Variants in GABBR2 observed in about 807,000 individuals in gnomAD.
GABBR2 encodes gamma-aminobutyric acid type B receptor subunit 2, also known as G-protein coupled receptor 51.
GABBR2 carries 23 observed loss-of-function variants against 105.6 expected under a neutral mutation model. The observed-to-expected ratio is 0.22, with a 90% CI of 0.16 to 0.31. GABBR2 has a LOEUF of 0.31. Among genes scored for constraint, GABBR2 ranks in the 10% least tolerant of loss-of-function variants. The pLI is 1.00. For synonymous variants in GABBR2, 478 were observed against 499.7 expected (o/e 0.96, Z 0.58); for missense variants, 734 against 1,245.5 (o/e 0.59, Z 6.18).
rs1033297629 is a variant in GABBR2 at position 98,682,533 on chromosome 9, G to A, written c.321+25884C>T. ...TGGGACTACAGGCGCCAGCCACCACGCCCAGCTAATTTTTATATTTTTAGT... is the reference window on the plus strand; with the variant it reads ...TGGGACTACAGGCGCCAGCCACCACACCCAGCTAATTTTTATATTTTTAGT... On this transcript the variant is annotated intron_variant, in intron 1 of 18. Transcript: ENST00000259455. 6.5e-4 allele frequency among the ~76,000 whole-genome samples: 99 copies of A among 151,628 alleles called. 1 individual carries two copies. The highest frequency in any genetic ancestry group is 2.2e-3 in the African/African-American group (90 of 41,344).
intron 11 of GABBR2, among the ~76,000 whole-genome samples, chr9:98,374,714 G>A (rs966286948): frequency 2.1e-4 from 32 of 152,186 alleles, no homozygotes; most frequent in Non-Finnish European, 4.0e-4. Context: ...GGACTTAAGC[G>A]TGTCCTGTGC....
Position 98,405,742 on chromosome 9 carries a change from T to C in GABBR2, c.1297+339A>G, listed in dbSNP as rs143067619. ...CCTAATAAAATGTAAATAGTTGTTATACTCTATTGTTTAGGGAATAACGAC... is the reference window on the plus strand; with the variant it reads ...CCTAATAAAATGTAAATAGTTGTTACACTCTATTGTTTAGGGAATAACGAC... On this transcript the variant is annotated intron_variant, in intron 8 of 18. Transcript: ENST00000259455. Among the ~76,000 whole-genome samples the C allele has an allele frequency of 5.5e-3, 843 of 152,336 alleles. 6 individuals are homozygous for C. The highest frequency in any genetic ancestry group is 0.01 in the Middle Eastern group (3 of 294).
At position 98,647,550 on chromosome 9, in the gene GABBR2, C is replaced by T. The variant is rs144272589; in HGVS notation, c.321+60867G>A. 1.9e-3 allele frequency among the ~76,000 whole-genome samples: 286 copies of T among 152,252 alleles called. 3 individuals are homozygous for T. The highest frequency in any genetic ancestry group is 6.0e-3 in the African/African-American group (248 of 41,536). ...CTTCTTTATCTGTGAATAACAGGGG[C>T]GGAGGAGACTGCATGAAACCCAAAC... On this transcript the variant is annotated intron_variant, in intron 1 of 18. Coordinates refer to ENST00000259455, the MANE Select transcript of GABBR2 (RefSeq NM_005458.8).
At chr9:98,484,290 G>A (rs541760193) in intron 4 of GABBR2, among the ~76,000 whole-genome samples, 9 of 152,276 alleles carry the variant, frequency 5.9e-5, no homozygotes, top group Admixed American at 4.6e-4. Context: ...GATGGGGCCC[G>A]TGGGATCCCC....
chr9:98,356,105 G>GA (rs1319218973), intron 13 of GABBR2, among the ~76,000 whole-genome samples: 12 of 151,938 alleles, frequency 7.9e-5, no homozygotes, highest in African/African-American at 2.4e-4. Flanking sequence ...AAACATAACA[G>GA]AAAAAAATCA....
At chr9:98,315,941 AG>A (rs1830709043) in intron 13 of GABBR2, among the ~76,000 whole-genome samples, 1 of 152,212 alleles carries the variant, frequency 6.6e-6, no homozygotes, top group Non-Finnish European at 1.5e-5. Flanking sequence ...GGAAGTATTC[AG>A]GCTATACTTG....
chr9:98,519,787 C>T (rs977418094), intron 3 of GABBR2, among the ~76,000 whole-genome samples: 30 of 150,194 alleles, frequency 2.0e-4, no homozygotes, highest in Non-Finnish European at 2.1e-4. Context: ...TTTTTCCCAA[C>T]AACGTTGCAA....
At chr9:98,408,536 C>A (rs1832528755) in intron 7 of GABBR2, among the ~76,000 whole-genome samples, 1 of 152,160 alleles carries the variant, frequency 6.6e-6, no homozygotes, top group Non-Finnish European at 1.5e-5. Context: ...GGCCACAGGC[C>A]AGTAAGGTGG....
rs76697098 is a variant in GABBR2, at chr9:98,325,638, C to T, written c.1894-14433G>A. 4.5e-3 allele frequency among the ~76,000 whole-genome samples: 681 copies of T among 152,198 alleles called. 9 individuals are homozygous for T. The highest frequency in any genetic ancestry group is 0.015 in the African/African-American group (621 of 41,514). On this transcript the variant is annotated intron_variant, in intron 13 of 18. Transcript: ENST00000259455. ...AGAGACAGCAGTTGTGCCCTCTGAG[C>T]CAACTATAGGTTTCCAAGGGGATCT...
intron 10 of GABBR2, among the ~76,000 whole-genome samples, chr9:98,387,302 C>T (rs941045892): frequency 1.3e-5 from 2 of 152,132 alleles, no homozygotes; most frequent in African/African-American, 4.8e-5. Context: ...GTAACTTTCC[C>T]CCAGGAGGCC....
intron 3 of GABBR2, among the ~76,000 whole-genome samples, chr9:98,530,771 G>A (rs1471708621): frequency 6.6e-6 from 1 of 152,008 alleles, no homozygotes; most frequent in African/African-American, 2.4e-5. Context: ...ATGATGGAGG[G>A]TAACCCCATC....
rs79877180 is a variant in GABBR2, at chr9:98,631,811, T to C, written c.322-53739A>G. On this transcript the variant is annotated intron_variant, in intron 1 of 18. Coordinates refer to ENST00000259455, the MANE Select transcript of GABBR2 (RefSeq NM_005458.8). ...GAAAAAGATCTGATTTCAGCAGCTT[T>C]TAGTCCAGACTTTAGAAAAAATTAA... Among the ~76,000 whole-genome samples, 1,054 of 152,366 alleles carry C rather than the reference T, an allele frequency of 6.9e-3. 7 individuals carry two copies. The highest frequency in any genetic ancestry group is 9.4e-3 in the Admixed American group (144 of 15,302).
At chr9:98,677,508 T>A (rs544877468) in intron 1 of GABBR2, among the ~76,000 whole-genome samples, 4 of 152,344 alleles carry the variant, frequency 2.6e-5, no homozygotes, top group African/African-American at 9.6e-5. Context: ...CTTGTTCATT[T>A]TCAGCCAATT....
At position 98,312,734 on chromosome 9, in the gene GABBR2, C is replaced by A. The variant is rs151076514; in HGVS notation, c.1894-1529G>T. On this transcript the variant is annotated intron_variant, in intron 13 of 18. Coordinates refer to ENST00000259455, the MANE Select transcript of GABBR2 (RefSeq NM_005458.8). The stretch of plus-strand genomic sequence containing the variant: ...CTGCAAAGAAGAGCTTTCCTTTCCT[C>A]CCATTTATTTATGTATATCAGTATG... Among the ~76,000 whole-genome samples the A allele has an allele frequency of 1.6e-4, 24 of 152,268 alleles. 1 individual carries two copies. The highest frequency in any genetic ancestry group is 1.5e-3 in the East Asian group (8 of 5,184).
intron 1 of GABBR2, among the ~76,000 whole-genome samples, chr9:98,578,582 A>G (rs1383485371): frequency 1.3e-5 from 2 of 152,216 alleles, no homozygotes; most frequent in Admixed American, 1.3e-4. Context: ...CAGAATTGCC[A>G]TATGATCTAG....
intron 13 of GABBR2, among the ~76,000 whole-genome samples, chr9:98,361,473 G>T (rs1831581749): frequency 6.6e-6 from 1 of 152,200 alleles, no homozygotes; most frequent in Non-Finnish European, 1.5e-5. Flanking sequence ...TTGACATCCT[G>T]TCTGGATTTC....
intron 16 of GABBR2, among the ~76,000 whole-genome samples, chr9:98,301,938 C>A (rs971379367): frequency 1.1e-4 from 17 of 152,122 alleles, no homozygotes; most frequent in Admixed American, 2.0e-4. Context: ...ATTCTGTGAG[C>A]CCCCCAAAGG....
At chr9:98,526,967 AAAGTC>A (rs759871683) in intron 3 of GABBR2, among the ~76,000 whole-genome samples, 109 of 152,090 alleles carry the variant, frequency 7.2e-4, no homozygotes, top group Non-Finnish European at 1.2e-3. Flanking sequence ...CATTCTCATT[AAAGTC>A]AAGGACAAGA....
At chr9:98,648,084 T>TGG (rs1408962801) in intron 1 of GABBR2, among the ~76,000 whole-genome samples, 4,857 of 77,138 alleles carry the variant, frequency 0.063, 319 homozygotes, top group East Asian at 0.38. Context: ...ATACAGGGTG[T>TGG]GTGTGTGTGT....
Sources: gnomAD v4.1 joint callset for allele counts (sites outside exome capture counted in the v4.1 genomes callset) on GRCh38, gnomAD v4.1.1 for gene constraint, MANE v1.5 for transcripts, NCBI Gene and HGNC (gene_info 2026-07-23, HGNC 2026-07-21) for gene names.